The following SLC44A1 variants were observed in gnomAD, a reference collection of about 807,000 sequenced individuals.
SLC44A1 encodes the protein solute carrier family 44 member 1, also known as choline transporter-like protein 1.
SLC44A1 carries 26 observed loss-of-function variants against 79.3 expected under a neutral mutation model. The ratio of observed to expected loss-of-function variants is 0.33; its 90% CI spans 0.24 to 0.46. The LOEUF (loss-of-function observed/expected upper bound fraction) is 0.46. Ranked by LOEUF, SLC44A1 falls within the 20% of genes least tolerant of loss-of-function variation. The pLI, the probability that SLC44A1 is intolerant of heterozygous loss-of-function variation, is 1.00. For synonymous variants in SLC44A1, 263 were observed against 286.2 expected (o/e 0.92, Z 0.82); for missense variants, 688 against 798.1 (o/e 0.86, Z 1.66).
chr9:105,409,082 G>T (rs1387804554), intron 15 of SLC44A1, among the ~76,000 whole-genome samples: 1 of 152,118 alleles, frequency 6.6e-6, no homozygotes, highest in African/African-American at 2.4e-5. Flanking sequence ...CAGAAGCAAG[G>T]CCTTACTTAC....
At chr9:105,432,527 C>T (rs1829410372) in intron 15 of SLC44A1, among the ~76,000 whole-genome samples, 1 of 152,330 alleles carries the variant, frequency 6.6e-6, no homozygotes, top group African/African-American at 2.4e-5. Context: ...TTCCCTGGGC[C>T]TGGAAGCTTC....
chr9:105,423,262 G>A (rs1829277358), intron 15 of SLC44A1, among the ~76,000 whole-genome samples: 4 of 152,054 alleles, frequency 2.6e-5, no homozygotes, highest in South Asian at 4.1e-4. Context: ...TCAGGAGTTC[G>A]AGATCAGCCT....
intron 15 of SLC44A1, among the ~76,000 whole-genome samples, chr9:105,422,262 T>C (rs1314943178): frequency 6.6e-6 from 1 of 150,814 alleles, no homozygotes; most frequent in East Asian, 2.0e-4. Flanking sequence ...TGCCCTGACC[T>C]TGGGCCTCCT....
At chr9:105,351,951 A>G (rs1827461666) in intron 5 of SLC44A1, among the ~76,000 whole-genome samples, 1 of 152,170 alleles carries the variant, frequency 6.6e-6, no homozygotes, top group Admixed American at 6.5e-5. Context: ...AGTGTTCAAC[A>G]ACAACAAAGA....
chr9:105,386,317 C>T, intron 15 of SLC44A1: 4 of 939,318 alleles, frequency 4.3e-6, no homozygotes, highest in Non-Finnish European at 3.8e-6. Flanking sequence ...CTAATTTAAA[C>T]ACGTATTTTT....
intron 3 of SLC44A1, among the ~76,000 whole-genome samples, chr9:105,331,672 C>T (rs1337047897): frequency 6.6e-6 from 1 of 152,172 alleles, no homozygotes; most frequent in Non-Finnish European, 1.5e-5. Context: ...TACTTTTAAG[C>T]ATGTTGCCAT....
At chr9:105,397,670 C>T (rs541208032), downstream of SLC44A1, among the ~76,000 whole-genome samples, 11 of 152,222 alleles carry the variant, frequency 7.2e-5, no homozygotes, top group East Asian at 2.1e-3. Flanking sequence ...CTGGGCCGGG[C>T]GTGGTGGCTC....
chr9:105,390,005 C>T lies in SLC44A1; in HGVS notation c.*949C>T. 1 of 1,411,452 alleles carries T rather than the reference C, an allele frequency of 7.1e-7. No individual in the cohort carries two copies. Among genetic ancestry groups the T allele is most frequent in the Non-Finnish European group, 9.2e-7 (1 of 1,081,422 alleles). 87.4% of individuals were successfully genotyped at this position (1,411,452 alleles called of 1,614,324 possible). ...TTCGGCTTCAGAGTAACGTCAGTGG[C>T]TTAGGGTTAAACGGCCATTTTATTC... On this transcript the variant is annotated 3_prime_UTR_variant, in exon 16 of 16. Coordinates refer to ENST00000374720, the MANE Select transcript of SLC44A1 (RefSeq NM_080546.5).
intron 1 of SLC44A1, among the ~76,000 whole-genome samples, chr9:105,266,976 A>G (rs1439721334): frequency 1.3e-5 from 2 of 151,652 alleles, no homozygotes; most frequent in East Asian, 3.9e-4. Flanking sequence ...GCCTTCTTTG[A>G]GTTTTTTTTT....
chr9:105,375,273 C>G (rs1828243032), intron 13 of SLC44A1, among the ~76,000 whole-genome samples: 1 of 152,192 alleles, frequency 6.6e-6, no homozygotes, highest in Non-Finnish European at 1.5e-5. Context: ...CTCCTGAGCT[C>G]AGGTGATCCA....
chr9:105,299,112 A>G, intron 1 of SLC44A1, 108 bp from the exon 2 acceptor site: 1 of 746,982 alleles, frequency 1.3e-6, no homozygotes, highest in Non-Finnish European at 2.2e-6. Context: ...GGTTCAATAG[A>G]AACTTGTTTG....
At chr9:105,258,688 T>C (rs1416028961) in intron 1 of SLC44A1, among the ~76,000 whole-genome samples, 1 of 152,068 alleles carries the variant, frequency 6.6e-6, no homozygotes, top group African/African-American at 2.4e-5. Context: ...TGCTGTTTGT[T>C]GTTTTGTTTT....
chr9:105,293,910 A>G (rs888316503), intron 1 of SLC44A1, among the ~76,000 whole-genome samples: 1 of 152,222 alleles, frequency 6.6e-6, no homozygotes, highest in Non-Finnish European at 1.5e-5. Flanking sequence ...ACATAGTAGT[A>G]CTATGACTTC....
At chr9:105,318,421 C>A (rs978490347) in intron 3 of SLC44A1, among the ~76,000 whole-genome samples, 2 of 152,090 alleles carry the variant, frequency 1.3e-5, no homozygotes, top group African/African-American at 4.8e-5. Flanking sequence ...CCTCAATGTT[C>A]CCCCCACCTC....
At chr9:105,361,462 A>T in intron 8 of SLC44A1, 132 bp downstream of exon 8, 1 of 869,542 alleles carries the variant, frequency 1.2e-6, no homozygotes, top group Non-Finnish European at 1.8e-6. Context: ...TCTGTGCCAT[A>T]GTGTATGAAA....
chr9:105,351,285 G>A (rs1202730146), intron 5 of SLC44A1, among the ~76,000 whole-genome samples: 6 of 152,116 alleles, frequency 3.9e-5, no homozygotes, highest in Non-Finnish European at 5.9e-5. Context: ...TGTAATCCCA[G>A]CACTTTGGGA....
At chr9:105,420,424 T>G (rs1198750303) in intron 15 of SLC44A1, among the ~76,000 whole-genome samples, 2 of 152,136 alleles carry the variant, frequency 1.3e-5, no homozygotes, top group Middle Eastern at 3.2e-3. Flanking sequence ...ATGTGCATGG[T>G]GAGGTAAAAG....
intron 7 of SLC44A1, among the ~76,000 whole-genome samples, chr9:105,360,414 A>G (rs1193122125): frequency 6.6e-6 from 1 of 152,084 alleles, no homozygotes; most frequent in African/African-American, 2.4e-5. Flanking sequence ...CCCTATTATT[A>G]TATAAGTTCC....
At chr9:105,374,265 T>C (rs1828206553) in intron 12 of SLC44A1, among the ~76,000 whole-genome samples, 1 of 152,218 alleles carries the variant, frequency 6.6e-6, no homozygotes, top group African/African-American at 2.4e-5. Flanking sequence ...ATGTTCACAG[T>C]CACAACCCTG....
Sources: gnomAD v4.1 joint callset for allele counts (sites outside exome capture counted in the v4.1 genomes callset) on GRCh38, gnomAD v4.1.1 for gene constraint, MANE v1.5 for transcripts, NCBI Gene and HGNC (gene_info 2026-07-23, HGNC 2026-07-21) for gene names.